The following MYO16 variants were observed in gnomAD, a reference collection of about 807,000 sequenced individuals.
The protein encoded by MYO16 is unconventional myosin-XVI.
MYO16 carries 94 observed loss-of-function variants against 205.3 expected under a neutral mutation model. That is an observed-to-expected ratio of 0.46 (90% CI 0.39 to 0.54). The LOEUF is 0.54. MYO16 is among the 20% of genes least tolerant of loss of function. MYO16 has a pLI of 0.00. For synonymous variants in MYO16, 988 were observed against 954.0 expected (o/e 1.04, Z -0.66); for missense variants, 2,315 against 2,387.5 (o/e 0.97, Z 0.63).
chr13:108,523,143 C>T, the MYO16 span, among the ~76,000 whole-genome samples: 49 of 152,250 alleles, frequency 3.2e-4, no homozygotes, highest in African/African-American at 1.1e-3. Flanking sequence ...GTGAAACAGA[C>T]GCATCTGCTT....
chr13:109,062,178 C>CG (rs1566487242), intron 27 of MYO16, among the ~76,000 whole-genome samples: 1 of 152,080 alleles, frequency 6.6e-6, no homozygotes, highest in South Asian at 2.1e-4. Flanking sequence ...GTTAGGATTA[C>CG]GCTTTTGCTA....
At chr13:108,866,330 G>GTAA in intron 12 of MYO16, 88 bp downstream of exon 12, 16 of 776,088 alleles carry the variant, frequency 2.1e-5, no homozygotes, top group Non-Finnish European at 3.0e-5. Context: ...AAAAAAAACA[G>GTAA]GCAAACTTCT....
intron 34 of MYO16, among the ~76,000 whole-genome samples, chr13:109,197,466 C>T (rs1880208364): frequency 6.6e-6 from 1 of 152,040 alleles, no homozygotes; most frequent in Non-Finnish European, 1.5e-5. Context: ...TTCTCTCAAA[C>T]GTGGGCCATG....
At chr13:108,847,800 C>T (rs555345125) in intron 10 of MYO16, among the ~76,000 whole-genome samples, 7 of 152,168 alleles carry the variant, frequency 4.6e-5, no homozygotes, top group Admixed American at 3.9e-4. Context: ...TTCCCTTTCC[C>T]TCCTGGTTTC....
In MYO16 at chr13:108,844,631, G is replaced by A. The variant is rs555978755; in HGVS notation, c.1248+138G>A. 199 of 868,318 alleles carry A rather than the reference G, an allele frequency of 2.3e-4. 2 individuals carry two copies. The South Asian group carries it at 5.7e-3, about 25-fold the overall frequency. 53.8% of individuals were successfully genotyped at this position (868,318 alleles called of 1,614,324 possible). On this transcript the variant is annotated intron_variant, in intron 10 of 34. Transcript: ENST00000457511. ...TAATGCATAGATTAATATTTTGCTT[G>A]CAGTTTTCATAAACAATTAGTGCAT... is the stretch of plus-strand genomic sequence containing the variant.
chr13:108,698,924 G>A (rs1229375527), intron 2 of MYO16, among the ~76,000 whole-genome samples: 1 of 151,962 alleles, frequency 6.6e-6, no homozygotes, highest in African/African-American at 2.4e-5. Context: ...GGGAACTGAG[G>A]CCCACCCAAA....
rs2139870320 is a variant in MYO16, at chr13:109,162,487, A to C, written c.5165-2414A>C. Reference sequence around the variant, plus strand: ...CATGGTGTGGAGGTTGCCTTTCTAAAATCACGAGCTGAAATGCAACCTCAT... The same window carrying C: ...CATGGTGTGGAGGTTGCCTTTCTAACATCACGAGCTGAAATGCAACCTCAT... On this transcript the variant is annotated intron_variant, in intron 32 of 34. Coordinates refer to ENST00000457511, the MANE Select transcript of MYO16 (RefSeq NM_001198950.3). This position sits in a 1 kb window ranked among gnomAD's most constrained non-coding sequence, Gnocchi z 4.6. Among the ~76,000 whole-genome samples the C allele has an allele frequency of 6.6e-6, 1 of 152,238 alleles. No homozygotes were observed. The highest frequency in any genetic ancestry group is 2.1e-4 in the South Asian group (1 of 4,822).
chr13:108,602,127 C>G (rs1480126128), intron 1 of MYO16, among the ~76,000 whole-genome samples: 1 of 148,526 alleles, frequency 6.7e-6, no homozygotes, highest in Non-Finnish European at 1.5e-5. Context: ...AAAAAACAGC[C>G]CAGGAAGAAT....
chr13:108,740,520 C>A (rs1422697183), intron 4 of MYO16, among the ~76,000 whole-genome samples: 2 of 152,112 alleles, frequency 1.3e-5, no homozygotes, highest in Non-Finnish European at 2.9e-5. Context: ...GGGTACCCAG[C>A]CTTGTGAGAT....
chr13:108,759,249 G>A (rs1224544173), intron 4 of MYO16, among the ~76,000 whole-genome samples: 1 of 152,130 alleles, frequency 6.6e-6, no homozygotes, highest in African/African-American at 2.4e-5. Context: ...ACAGAATTAT[G>A]GAATTCTATG....
In MYO16 at chr13:109,009,486, T is replaced by C. The variant is rs146987564; in HGVS notation, c.2595+437T>C. On this transcript the variant is annotated intron_variant, in intron 22 of 34. Coordinates refer to ENST00000457511, the MANE Select transcript of MYO16 (RefSeq NM_001198950.3). ...GGCAGGAAAAACATATAAACACATA[T>C]ATAATGTCGGTTAAATTAAGAGTCT... 3.3e-5 allele frequency among the ~76,000 whole-genome samples: 5 copies of C among 152,328 alleles called. No individual in the cohort carries two copies. The East Asian group carries it at 9.6e-4, about 29-fold the overall frequency.
intron 3 of MYO16, among the ~76,000 whole-genome samples, chr13:108,723,054 G>A (rs1043412273): frequency 2.0e-5 from 3 of 151,986 alleles, no homozygotes; most frequent in Non-Finnish European, 4.4e-5. Flanking sequence ...GCTTTTTCAC[G>A]GTGGTTGTTG....
intron 10 of MYO16, 77 bp downstream of exon 10, chr13:108,844,570 A>C (rs1877421171): frequency 7.1e-7 from 1 of 1,402,230 alleles, no homozygotes; most frequent in Admixed American, 2.4e-5. Flanking sequence ...ACATATTTCA[A>C]AAACAAATGC....
chr13:108,753,395 A>AAAAAAAAAAAAAAAAAAAC, intron 4 of MYO16, among the ~76,000 whole-genome samples: 1 of 135,824 alleles, frequency 7.4e-6, no homozygotes, highest in Non-Finnish European at 1.6e-5. Flanking sequence ...AAAAAAAAAA[A>AAAAAAAAAAAAAAAAAAAC]CAATAAAATA....
Position 108,942,586 on chromosome 13 carries a change from C to A in MYO16, c.1926-15102C>A, listed in dbSNP as rs959908972. The stretch of plus-strand genomic sequence containing the variant: ...CATTGATATTGTGCATATCACTATT[C>A]TGTATAATATATAATAAAATGTGGT... On this transcript the variant is annotated intron_variant, in intron 16 of 34. Transcript: ENST00000457511. Among the ~76,000 whole-genome samples the A allele has an allele frequency of 9.2e-5, 14 of 152,224 alleles. 1 individual carries two copies. Among genetic ancestry groups the A allele is most frequent in the Admixed American group, 9.2e-4 (14 of 15,290 alleles).
intron 16 of MYO16, among the ~76,000 whole-genome samples, chr13:108,912,903 A>G (rs1881329985): frequency 6.6e-6 from 1 of 152,166 alleles, no homozygotes; most frequent in Non-Finnish European, 1.5e-5. Context: ...AGAAAAAGGA[A>G]TAATGTAACC....
At chr13:108,744,228 T>G (rs927823976) in intron 4 of MYO16, among the ~76,000 whole-genome samples, 1 of 152,104 alleles carries the variant, frequency 6.6e-6, no homozygotes, top group Non-Finnish European at 1.5e-5. Flanking sequence ...TAAGAAACGA[T>G]TGATTTTTTC....
At chr13:108,787,394 A>G (rs1886490464) in intron 5 of MYO16, among the ~76,000 whole-genome samples, 1 of 152,198 alleles carries the variant, frequency 6.6e-6, no homozygotes, top group Admixed American at 6.5e-5. Context: ...TGCCAGTTCT[A>G]TGTTATTATT....
chr13:108,903,811 C>G (rs1223449930), intron 15 of MYO16, among the ~76,000 whole-genome samples: 1 of 152,034 alleles, frequency 6.6e-6, no homozygotes, highest in Non-Finnish European at 1.5e-5. Context: ...TAAGTCAGTC[C>G]CCTGTAAAAG....
Sources: gnomAD v4.1 joint callset for allele counts (sites outside exome capture counted in the v4.1 genomes callset) on GRCh38, gnomAD v4.1.1 for gene constraint, Gnocchi (gnomAD v3.1) non-coding constraint, MANE v1.5 for transcripts, NCBI Gene and HGNC (gene_info 2026-07-23, HGNC 2026-07-21) for gene names.